The following PCDHGA3 variants were observed in gnomAD, a reference collection of about 807,000 sequenced individuals.
The protein encoded by PCDHGA3 is protocadherin gamma-A3.
Under a neutral mutation model 58.5 loss-of-function variants are expected in PCDHGA3, and 40 were observed. That is an observed-to-expected ratio of 0.68 (90% CI 0.53 to 0.89). The LOEUF is 0.89. Among genes scored for constraint, PCDHGA3 ranks in the 40% least tolerant of loss-of-function variants. The probability of loss-of-function intolerance (pLI) is 0.00; values close to 1 mark genes in which losing one functional copy is unlikely to be tolerated. For synonymous variants in PCDHGA3, 530 were observed against 525.7 expected (o/e 1.01, Z -0.11); for missense variants, 1,223 against 1,195.9 (o/e 1.02, Z -0.33).
At chr5:141,352,235 A>T in intron 1 of PCDHGA3, 1 of 1,614,032 alleles carries the variant, frequency 6.2e-7, no homozygotes, top group Non-Finnish European at 8.5e-7. Flanking sequence ...GCTGCACCTA[A>T]TCTTCGCGGA....
chr5:141,371,611 C>G (rs561217101), intron 1 of PCDHGA3: 1 of 1,613,996 alleles, frequency 6.2e-7, no homozygotes, highest in Non-Finnish European at 8.5e-7. Context: ...AGGTTGGTGA[C>G]AGATGGAGCC....
At chr5:141,495,544 T>C (rs971374249) in intron 2 of PCDHGA3, among the ~76,000 whole-genome samples, 5 of 152,220 alleles carry the variant, frequency 3.3e-5, no homozygotes, top group African/African-American at 7.2e-5. Context: ...CCTCAGTCTC[T>C]ATCTCGCTTT....
intron 1 of PCDHGA3, chr5:141,441,940 G>T (rs2098285664): frequency 5.9e-6 from 2 of 341,298 alleles, no homozygotes; most frequent in Non-Finnish European, 1.1e-5. Flanking sequence ...GTCCTACCAC[G>T]TGCTGCAGGC....
At chr5:141,447,957 A>T (rs1460497437) in intron 1 of PCDHGA3, among the ~76,000 whole-genome samples, 3 of 151,910 alleles carry the variant, frequency 2.0e-5, no homozygotes, top group African/African-American at 7.3e-5. Context: ...ATGGTGGCGG[A>T]CACCTATAAT....
intron 1 of PCDHGA3, chr5:141,409,996 G>A (rs1561724976): frequency 6.2e-7 from 1 of 1,613,132 alleles, no homozygotes; most frequent in Non-Finnish European, 8.5e-7. Context: ...ACGCCGACTC[G>A]GGACACAACG....
chr5:141,448,335 A>T (rs567377336), intron 1 of PCDHGA3, among the ~76,000 whole-genome samples: 1 of 152,108 alleles, frequency 6.6e-6, no homozygotes, highest in Non-Finnish European at 1.5e-5. Flanking sequence ...CTTTATAGCC[A>T]TGTACCTCAA....
At chr5:141,422,900 A>G (rs2096684887) in intron 1 of PCDHGA3, 2 of 1,614,220 alleles carry the variant, frequency 1.2e-6, no homozygotes, top group South Asian at 2.2e-5. Flanking sequence ...GACCAGAACG[A>G]CAATGCGCCC....
intron 1 of PCDHGA3, among the ~76,000 whole-genome samples, chr5:141,453,288 ATTAT>A (rs577328880): frequency 4.0e-5 from 6 of 151,342 alleles, no homozygotes; most frequent in Admixed American, 1.3e-4. Context: ...TAATTTTTTA[ATTAT>A]TTATTTATTT....
At chr5:141,365,844 T>C (rs1264460635) in intron 1 of PCDHGA3, 2 of 1,613,980 alleles carry the variant, frequency 1.2e-6, no homozygotes, top group Non-Finnish European at 1.7e-6. Context: ...TCCTCCTATG[T>C]ATCCATTAAC....
chr5:141,402,954 T>C, intron 1 of PCDHGA3: 3 of 1,601,320 alleles, frequency 1.9e-6, no homozygotes, highest in Non-Finnish European at 2.6e-6. Context: ...GAGGCAGCAA[T>C]GGCAGCTCCA....
Position 141,485,411 on chromosome 5 carries a change from G to C in PCDHGA3, c.2425-9396G>C, listed in dbSNP as rs1412397411. On this transcript the variant is annotated intron_variant, in intron 1 of 3. Coordinates refer to ENST00000253812, the MANE Select transcript of PCDHGA3 (RefSeq NM_018916.4). This position sits in a 1 kb window ranked among gnomAD's most constrained non-coding sequence, Gnocchi z 5.7. The stretch of plus-strand genomic sequence containing the variant: ...CCAAAGACACTTCCGTGTGGATTTG[G>C]ACAGCGGAGCCCTGCTCATCAAGAA... The C allele has an allele frequency of 2.5e-6, 4 of 1,614,054 alleles. No homozygotes were observed. Among genetic ancestry groups the C allele is most frequent in the Non-Finnish European group, 3.4e-6 (4 of 1,180,044 alleles).
chr5:141,482,740 G>A (rs1288861437), intron 1 of PCDHGA3, among the ~76,000 whole-genome samples: 1 of 127,398 alleles, frequency 7.8e-6, no homozygotes, highest in African/African-American at 3.6e-5. Context: ...GAAATTCCAT[G>A]CAGAGGGATT....
chr5:141,493,679 G>C lies in PCDHGA3; in HGVS notation c.2425-1128G>C. On this transcript the variant is annotated intron_variant, in intron 1 of 3. Transcript: ENST00000253812. This position sits in a 1 kb window ranked among gnomAD's most constrained non-coding sequence, Gnocchi z 4.3. ...CCTTCTCCATGGCAGCCCCAGAATG[G>C]TGCTGGTGACTCCCGATACACCTGG... Among the ~76,000 whole-genome samples the C allele has an allele frequency of 6.6e-6, 1 of 152,198 alleles. No individual in the cohort carries two copies. Among genetic ancestry groups the C allele is most frequent in the African/African-American group, 2.4e-5 (1 of 41,446 alleles).
chr5:141,500,501 G>T (rs571735791), intron 2 of PCDHGA3, among the ~76,000 whole-genome samples: 6 of 152,176 alleles, frequency 3.9e-5, no homozygotes, highest in Non-Finnish European at 8.8e-5. Context: ...GAGCCACCGC[G>T]CCTGGCCGAG....
chr5:141,438,638 A>G (rs1192725978), intron 1 of PCDHGA3, among the ~76,000 whole-genome samples: 1 of 22,806 alleles, frequency 4.4e-5, no homozygotes, highest in East Asian at 1.6e-3. Flanking sequence ...ATATATATAC[A>G]CACACACACA....
intron 3 of PCDHGA3, among the ~76,000 whole-genome samples, chr5:141,505,782 T>A (rs1163025757): frequency 6.6e-6 from 1 of 152,204 alleles, no homozygotes; most frequent in Non-Finnish European, 1.5e-5. Context: ...CTAGCTCTGC[T>A]ACTATCCTTG....
chr5:141,382,997 A>G lies in PCDHGA3; in HGVS notation c.2424+36540A>G, dbSNP rs1209270277. On this transcript the variant is annotated intron_variant, in intron 1 of 3. Transcript: ENST00000253812. Reference sequence around the variant, plus strand: ...GAAGCCTGGGCAGGACGTATTCTCTACTCCGTGTCGGAGGAGACGGACAAA... The same window carrying G: ...GAAGCCTGGGCAGGACGTATTCTCTGCTCCGTGTCGGAGGAGACGGACAAA... 1 of 1,613,426 alleles carries G rather than the reference A, an allele frequency of 6.2e-7. No individual in the cohort carries two copies. Among genetic ancestry groups the G allele is most frequent in the Non-Finnish European group, 8.5e-7 (1 of 1,179,728 alleles).
chr5:141,399,853 C>G, intron 1 of PCDHGA3: 1 of 1,612,978 alleles, frequency 6.2e-7, no homozygotes, highest in Non-Finnish European at 8.5e-7. Flanking sequence ...TATGGTGCCG[C>G]GCGCTGCAGA....
In PCDHGA3 at chr5:141,477,279, C is replaced by T. The variant is rs2099408674; in HGVS notation, c.2425-17528C>T. ...GATGCTGGCGAGAACGGGCTGGTGA[C>T]CTGCGAAGTTCCACCGGGTCTCCCT... is the stretch of plus-strand genomic sequence containing the variant. On this transcript the variant is annotated intron_variant, in intron 1 of 3. Transcript: ENST00000253812. The surrounding 1 kb of genome is among the most constrained non-coding windows in gnomAD (Gnocchi z 4.9). 6.2e-7 allele frequency: 1 copy of T among 1,614,054 alleles called. No individual in the cohort carries two copies. Among genetic ancestry groups the T allele is most frequent in the Non-Finnish European group, 8.5e-7 (1 of 1,180,050 alleles).
Sources: gnomAD v4.1 joint callset for allele counts (sites outside exome capture counted in the v4.1 genomes callset) on GRCh38, gnomAD v4.1.1 for gene constraint, Gnocchi (gnomAD v3.1) non-coding constraint, MANE v1.5 for transcripts, NCBI Gene and HGNC (gene_info 2026-07-23, HGNC 2026-07-21) for gene names.